The following VPS13B variants were observed in gnomAD, a reference collection of about 807,000 sequenced individuals.
VPS13B encodes vacuolar protein sorting 13 homolog B.
In VPS13B, 285 loss-of-function variants were observed where a neutral mutation model predicts 426.4. That is an observed-to-expected ratio of 0.67 (90% confidence interval 0.61 to 0.74). The LOEUF (loss-of-function observed/expected upper bound fraction) is 0.74, where lower values mean the gene tolerates loss of function less well. VPS13B is among the 30% of genes least tolerant of loss of function. The pLI is 0.00. For synonymous variants in VPS13B, 1,676 were observed against 1,676.4 expected (o/e 1.00, Z 0.01); for missense variants, 4,537 against 4,782.6 (o/e 0.95, Z 1.51).
At chr8:99,636,988 GGTAAAGA>G (rs1472892899) in intron 33 of VPS13B, among the ~76,000 whole-genome samples, 1 of 152,024 alleles carries the variant, frequency 6.6e-6, no homozygotes, top group Admixed American at 6.6e-5. Flanking sequence ...AAATAAGTTA[GGTAAAGA>G]GTGGGAGAGC....
chr8:99,562,362 C>T (rs1824972992), intron 31 of VPS13B, among the ~76,000 whole-genome samples: 1 of 145,938 alleles, frequency 6.9e-6, no homozygotes, highest in African/African-American at 2.5e-5. Flanking sequence ...CCCACTGTAA[C>T]CTCTGCCTCC....
In VPS13B at chr8:99,396,116, T is replaced by A. The variant is rs796868637; in HGVS notation, c.3082+4412T>A. On this transcript the variant is annotated intron_variant, in intron 21 of 61. Transcript: ENST00000357162. ...CGAACCGTGGGATGATAATTAATTA[T>A]GGTTGTGAGGGTAGGGCTCACTGAA... is the stretch of plus-strand genomic sequence containing the variant. Among the ~76,000 whole-genome samples the A allele has an allele frequency of 4.7e-4, 71 of 152,268 alleles. 1 individual carries two copies. Among genetic ancestry groups the A allele is most frequent in the African/African-American group, 1.7e-3 (69 of 41,562 alleles).
At chr8:99,484,599 A>T (rs4145800) in intron 25 of VPS13B, among the ~76,000 whole-genome samples, 1 of 152,150 alleles carries the variant, frequency 6.6e-6, no homozygotes, top group South Asian at 2.1e-4. Context: ...GAATGAAAAC[A>T]ATGACTATGT....
chr8:99,754,321 G>A (rs1341551035), intron 39 of VPS13B, among the ~76,000 whole-genome samples: 2 of 151,910 alleles, frequency 1.3e-5, no homozygotes, highest in Admixed American at 6.6e-5. Context: ...TTTTTATTTA[G>A]TAACTATTGA....
chr8:99,192,945 A>G lies in VPS13B; in HGVS notation c.2403A>G (p.Thr801=). Residue 801 remains threonine, a synonymous_variant, in exon 17 of 62, where the codon ACA becomes ACG. Transcript: ENST00000357162. ...FELPNLTIQA[T]RAQTLLLQAI... ...TTCCAAATCTCACAATTCAAGCTAC[A>G]AGAGCACAGACACTTCTCTTGCAAG... 2 of 1,613,716 alleles carry G rather than the reference A, an allele frequency of 1.2e-6. No individual in the cohort carries two copies. Among genetic ancestry groups the G allele is most frequent in the Non-Finnish European group, 1.7e-6 (2 of 1,179,814 alleles).
At chr8:99,287,749 C>T (rs969789281) in intron 19 of VPS13B, among the ~76,000 whole-genome samples, 1 of 151,748 alleles carries the variant, frequency 6.6e-6, no homozygotes, top group Non-Finnish European at 1.5e-5. Context: ...TCAAAGAAAT[C>T]GACATTAAAA....
chr8:99,694,730 C>G (rs924396041), intron 35 of VPS13B, among the ~76,000 whole-genome samples: 1 of 151,624 alleles, frequency 6.6e-6, no homozygotes, highest in African/African-American at 2.4e-5. Flanking sequence ...TTCTGCACAG[C>G]AAAAGAAACC....
intron 42 of VPS13B, among the ~76,000 whole-genome samples, chr8:99,779,698 TG>T (rs1811918808): frequency 6.6e-6 from 1 of 152,314 alleles, no homozygotes; most frequent in African/African-American, 2.4e-5. Flanking sequence ...AACCTGTCCA[TG>T]TCTGCTAGCA....
chr8:99,599,369 T>G (rs1341597124), intron 33 of VPS13B, among the ~76,000 whole-genome samples: 1 of 152,066 alleles, frequency 6.6e-6, no homozygotes, highest in East Asian at 1.9e-4. Context: ...CCTCACCTAC[T>G]GTTCTCTGAT....
chr8:99,518,651 T>C (rs10955214), intron 29 of VPS13B, among the ~76,000 whole-genome samples: 26,540 of 152,156 alleles, frequency 0.17, 2,844 homozygotes, highest in East Asian at 0.39. Flanking sequence ...TCACTGAATA[T>C]CTTATTCTTC....
chr8:99,497,249 G>A (rs923420216), intron 25 of VPS13B, among the ~76,000 whole-genome samples: 2 of 135,970 alleles, frequency 1.5e-5, no homozygotes, highest in Admixed American at 1.5e-4. Context: ...ATATATGTAT[G>A]TATTTATGTA....
intron 19 of VPS13B, among the ~76,000 whole-genome samples, chr8:99,357,658 A>G (rs1812250156): frequency 6.6e-6 from 1 of 152,142 alleles, no homozygotes; most frequent in African/African-American, 2.4e-5. Flanking sequence ...TGGCCACATT[A>G]CTTAGATTTG....
chr8:99,540,661 CT>C (rs939223470), intron 30 of VPS13B, among the ~76,000 whole-genome samples: 4 of 152,056 alleles, frequency 2.6e-5, no homozygotes, highest in African/African-American at 9.7e-5. Flanking sequence ...ATTTTTAGAA[CT>C]AAATTTTTGA....
At chr8:99,211,733 C>T (rs112150565) in intron 17 of VPS13B, among the ~76,000 whole-genome samples, 5,146 of 151,894 alleles carry the variant, frequency 0.034, 122 homozygotes, top group Non-Finnish European at 0.048. Flanking sequence ...GCCAAGATCG[C>T]GCCACTGCAC....
intron 16 of VPS13B, among the ~76,000 whole-genome samples, chr8:99,185,126 A>C (rs1364977944): frequency 6.6e-6 from 1 of 152,272 alleles, no homozygotes; most frequent in East Asian, 1.9e-4. Context: ...GTATTCATGT[A>C]AAGATCTTAG....
chr8:99,323,288 G>A (rs1298788481), intron 19 of VPS13B, among the ~76,000 whole-genome samples: 1 of 152,176 alleles, frequency 6.6e-6, no homozygotes, highest in East Asian at 1.9e-4. Flanking sequence ...AGCATAGAGA[G>A]TTTTAAACAG....
chr8:99,594,580 T>G (rs1038054073), intron 33 of VPS13B, among the ~76,000 whole-genome samples: 3 of 152,008 alleles, frequency 2.0e-5, no homozygotes, highest in African/African-American at 7.2e-5. Flanking sequence ...TTGCTTAATG[T>G]TTTTGAGCTT....
At chr8:99,695,262 G>A (rs1173911013) in intron 35 of VPS13B, among the ~76,000 whole-genome samples, 15 of 148,148 alleles carry the variant, frequency 1.0e-4, no homozygotes, top group African/African-American at 3.2e-4. Context: ...TGTTTATTGC[G>A]GCATTATTCA....
At chr8:99,308,251 A>G (rs1394167756) in intron 19 of VPS13B, among the ~76,000 whole-genome samples, 1 of 151,962 alleles carries the variant, frequency 6.6e-6, no homozygotes, top group Non-Finnish European at 1.5e-5. Context: ...ACATATGTAT[A>G]CATGCACCAC....
Sources: gnomAD v4.1 joint callset for allele counts (sites outside exome capture counted in the v4.1 genomes callset) on GRCh38, gnomAD v4.1.1 for gene constraint, MANE v1.5 for transcripts, NCBI Gene and HGNC (gene_info 2026-07-23, HGNC 2026-07-21) for gene names.